The following GEMIN7 variants were observed in gnomAD, a reference collection of about 807,000 sequenced individuals.
GEMIN7 encodes the protein gem-associated protein 7.
In GEMIN7, 7 loss-of-function variants were observed where a neutral mutation model predicts 7.8. That is an observed-to-expected ratio of 0.90 (90% CI 0.51 to 1.69). The LOEUF is 1.69. GEMIN7 is among the 40% of genes most tolerant of loss of function. The pLI is 0.00. For missense variants in GEMIN7, 159 were observed against 176.2 expected, an observed-to-expected ratio of 0.90 and a Z score of 0.55; for synonymous variants, 68 against 72.4, an observed-to-expected ratio of 0.94 and a Z score of 0.31.
At chr19:45,081,263 C>T (rs1967494500) in intron 2 of GEMIN7, among the ~76,000 whole-genome samples, 1 of 152,116 alleles carries the variant, frequency 6.6e-6, no homozygotes. Context: ...TTGAGACCAG[C>T]CTGGCCAACG....
chr19:45,084,167 C>G (rs1222810274), intron 2 of GEMIN7, among the ~76,000 whole-genome samples: 1 of 146,444 alleles, frequency 6.8e-6, no homozygotes, highest in African/African-American at 2.5e-5. Flanking sequence ...GCCAAGATCG[C>G]GCCACTGCAC....
intron 2 of GEMIN7, among the ~76,000 whole-genome samples, chr19:45,085,830 G>A (rs1031248889): frequency 6.7e-6 from 1 of 148,342 alleles, no homozygotes; most frequent in African/African-American, 2.5e-5. Context: ...GTCTGTAGTC[G>A]CAGCTTCTCG....
chr19:45,077,658 C>A (rs1180340997), upstream of GEMIN7, among the ~76,000 whole-genome samples: 1 of 152,088 alleles, frequency 6.6e-6, no homozygotes, highest in African/African-American at 2.4e-5. Flanking sequence ...TTCCATTGTC[C>A]TCCTGAGAGC....
chr19:45,078,151 G>C (rs1967394790), upstream of GEMIN7, among the ~76,000 whole-genome samples: 1 of 141,208 alleles, frequency 7.1e-6, no homozygotes, highest in African/African-American at 2.7e-5. Context: ...GCCCAGGCTG[G>C]AGTGCAGTGG....
At chr19:45,083,463 A>C (rs1967567934) in intron 2 of GEMIN7, among the ~76,000 whole-genome samples, 1 of 151,984 alleles carries the variant, frequency 6.6e-6, no homozygotes, top group Non-Finnish European at 1.5e-5. Context: ...AATTTTGCCA[A>C]GGAGGATTCT....
chr19:45,078,877 A>G (rs545477404), upstream of GEMIN7, among the ~76,000 whole-genome samples: 29 of 152,308 alleles, frequency 1.9e-4, no homozygotes, highest in African/African-American at 6.7e-4. Context: ...ATCTGAAACC[A>G]TGATCTCCAG....
chr19:45,084,950 T>C (rs1967630276), intron 2 of GEMIN7, among the ~76,000 whole-genome samples: 2 of 152,210 alleles, frequency 1.3e-5, no homozygotes, highest in African/African-American at 4.8e-5. Context: ...ATTTTGTATT[T>C]TTAGTAGAGG....
chr19:45,085,726 C>G (rs974721190), intron 2 of GEMIN7: 7 of 152,012 alleles, frequency 4.6e-5, no homozygotes, highest in Non-Finnish European at 1.0e-4. Context: ...TGGGGGGGAT[C>G]ACTTGCGGTC....
In GEMIN7 at chr19:45,090,290, G is replaced by C. The variant is rs147899933; in HGVS notation, c.176G>C (p.Arg59Pro). ...ESLESQEQRA[R>P]AALRERYLRS... The stretch of plus-strand genomic sequence containing the variant: ...CTGGAATCCCAGGAGCAGCGGGCAC[G>C]AGCCGCCCTTCGGGAGCGTTACCTC... Residue 59 changes from arginine (R) to proline (P), a missense_variant, in exon 3 of 3, where the codon CGA becomes CCA. Coordinates refer to ENST00000270257, the MANE Select transcript of GEMIN7 (RefSeq NM_024707.3). 1 of 1,614,190 alleles carries C rather than the reference G, an allele frequency of 6.2e-7. No individual in the cohort carries two copies. Among genetic ancestry groups the C allele is most frequent in the East Asian group, 2.2e-5 (1 of 44,886 alleles).
chr19:45,080,399 A>G (rs371503560), intron 2 of GEMIN7, among the ~76,000 whole-genome samples: 14 of 146,966 alleles, frequency 9.5e-5, no homozygotes, highest in African/African-American at 3.5e-4. Flanking sequence ...TTTTTGAAAC[A>G]GAGTCTCACT....
intron 2 of GEMIN7, among the ~76,000 whole-genome samples, chr19:45,086,849 G>GTTTA (rs757043515): frequency 1.3e-5 from 2 of 151,972 alleles, no homozygotes; most frequent in African/African-American, 4.8e-5. Flanking sequence ...TTTGTTTTTT[G>GTTTA]TTTGTTTGTT....
At chr19:45,075,683 G>A (rs373650478), upstream of GEMIN7, 4 of 1,607,774 alleles carry the variant, frequency 2.5e-6, no homozygotes, top group Non-Finnish European at 3.4e-6. Context: ...CCTCGAACTT[G>A]AGAGGGGGAC....
intron 2 of GEMIN7, among the ~76,000 whole-genome samples, chr19:45,086,199 G>C (rs1052708493): frequency 1.1e-4 from 16 of 151,340 alleles, no homozygotes; most frequent in South Asian, 8.4e-4. Flanking sequence ...GGAGGCGGAG[G>C]TTGCAGTGAG....
In GEMIN7 at chr19:45,085,287, G is replaced by A. The variant is rs1360830101; in HGVS notation, c.-8-4820G>A. ...CTTTGTGACCTGTTTGTCTGCATCA[G>A]TGTTTCATTTGGGGCCATCAGGAGA... On this transcript the variant is annotated intron_variant, in intron 2 of 2. Coordinates refer to ENST00000270257, the MANE Select transcript of GEMIN7 (RefSeq NM_024707.3). 2.0e-5 allele frequency: 3 copies of A among 152,262 alleles called. No homozygotes were observed. In the East Asian group the frequency reaches 5.8e-4, roughly 29 times the overall value. 9.4% of individuals were successfully genotyped at this position (152,262 alleles called of 1,614,324 possible).
chr19:45,088,086 C>T (rs10426398), intron 2 of GEMIN7, among the ~76,000 whole-genome samples: 83,732 of 149,930 alleles, frequency 0.56, 24,174 homozygotes, highest in African/African-American at 0.68. Flanking sequence ...GCTGGGATTA[C>T]AGGTGCCCGC....
upstream of GEMIN7, among the ~76,000 whole-genome samples, chr19:45,078,909 G>A (rs1249575002): frequency 6.6e-6 from 1 of 152,216 alleles, no homozygotes; most frequent in Admixed American, 6.5e-5. Context: ...AGGAGCGGGG[G>A]TTCCCACTGG....
At position 45,090,093 on chromosome 19, in the gene GEMIN7, T is replaced by C. The variant is rs1967839731; in HGVS notation, c.-8-14T>C. 6.3e-7 allele frequency: 1 copy of C among 1,590,070 alleles called. No homozygotes were observed. Among genetic ancestry groups the C allele is most frequent in the Middle Eastern group, 1.7e-4 (1 of 5,934 alleles). On this transcript the variant is annotated splice_polypyrimidine_tract_variant and intron_variant, in intron 2 of 2. Transcript: ENST00000270257. ...CCATGTAATGACTTCCTGCTCTTTT[T>C]CTTCACTCAACAGCCAAGACAATGC... is the stretch of plus-strand genomic sequence containing the variant.
chr19:45,084,582 T>C lies in GEMIN7; in HGVS notation c.-9+4553T>C, dbSNP rs116115771. Among the ~76,000 whole-genome samples the C allele has an allele frequency of 8.4e-3, 1,274 of 151,444 alleles. 25 individuals carry two copies. The highest frequency in any genetic ancestry group is 0.029 in the African/African-American group (1,182 of 41,298). On this transcript the variant is annotated intron_variant, in intron 2 of 2. Transcript: ENST00000270257. ...CATGCCTGGCTAATTTTTGGGGCGT[T>C]TGTTTGTTTTTGAGATGGAGTCCCA... is the stretch of plus-strand genomic sequence containing the variant.
intron 2 of GEMIN7, among the ~76,000 whole-genome samples, chr19:45,089,008 C>A (rs1568433458): frequency 6.7e-6 from 1 of 149,438 alleles, no homozygotes; most frequent in East Asian, 2.0e-4. Flanking sequence ...GTGGTGCGAT[C>A]TCTGCTCACT....
Sources: gnomAD v4.1 joint callset for allele counts (sites outside exome capture counted in the v4.1 genomes callset) on GRCh38, gnomAD v4.1.1 for gene constraint, MANE v1.5 for transcripts, NCBI Gene and HGNC (gene_info 2026-07-23, HGNC 2026-07-21) for gene names.